ADRA1A: variants seen among roughly 807,000 people sequenced by gnomAD.
ADRA1A encodes the protein adrenoceptor alpha 1A.
Under a neutral mutation model 29.6 loss-of-function variants are expected in ADRA1A, and 31 were observed. That is an observed-to-expected ratio of 1.05 (90% CI 0.79 to 1.41). The LOEUF (loss-of-function observed/expected upper bound fraction) is 1.41, where lower values mean the gene tolerates loss of function less well. ADRA1A is among the 40% of genes most tolerant of loss of function. The pLI, the probability that ADRA1A is intolerant of heterozygous loss-of-function variation, is 0.00. For synonymous variants in ADRA1A, 311 were observed against 254.3 expected, an observed-to-expected ratio of 1.22 and a Z score of -2.12; for missense variants, 619 against 601.1, an observed-to-expected ratio of 1.03 and a Z score of -0.31.
intron 2 of ADRA1A, among the ~76,000 whole-genome samples, chr8:26,816,698 C>T (rs541013097): frequency 6.6e-6 from 1 of 152,328 alleles, no homozygotes; most frequent in East Asian, 1.9e-4. Flanking sequence ...CTCACACCTC[C>T]ATGTGGCACC....
rs754265397 is a variant in ADRA1A, at chr8:26,787,651, T to A, written c.884-16985A>T. Among the ~76,000 whole-genome samples, 7 of 151,800 alleles carry A rather than the reference T, an allele frequency of 4.6e-5. No individual in the cohort carries two copies. Among genetic ancestry groups the A allele is most frequent in the Non-Finnish European group, 8.8e-5 (6 of 67,994 alleles). On this transcript the variant is annotated intron_variant, in intron 2 of 2. Coordinates refer to ENST00000380573, the MANE Select transcript of ADRA1A (RefSeq NM_000680.4). This position sits in a 1 kb window ranked among gnomAD's most constrained non-coding sequence, Gnocchi z 4.2. ...CTCGTGTGCTGCATAAAAATATCAA[T>A]GCCTGACACAGACTTCTTAGTTCTT...
chr8:26,866,028 G>T lies in ADRA1A; in HGVS notation c.-686-373C>A, dbSNP rs1040540961. Among the ~76,000 whole-genome samples, 1 of 152,214 alleles carries T rather than the reference G, an allele frequency of 6.6e-6. No homozygotes were observed. The highest frequency in any genetic ancestry group is 2.4e-5 in the African/African-American group (1 of 41,460). On this transcript the variant is annotated intron_variant, in intron 1 of 2. Coordinates refer to ENST00000380573, the MANE Select transcript of ADRA1A (RefSeq NM_000680.4). The surrounding 1 kb of genome is among the most constrained non-coding windows in gnomAD (Gnocchi z 5.7). ...CTGCGGCTGGCGAGTGTGTCGCACG[G>T]ATCCTAGCCGGGGAATTCTGGAGGA...
At chr8:26,816,857 T>C (rs1365091090) in intron 2 of ADRA1A, among the ~76,000 whole-genome samples, 1 of 152,164 alleles carries the variant, frequency 6.6e-6, no homozygotes, top group Non-Finnish European at 1.5e-5. Context: ...CCTCTCACTC[T>C]TTGCAACAAA....
At chr8:26,770,755 A>G in intron 2 of ADRA1A, 89 bp from the exon 3 acceptor site, 1 of 1,475,918 alleles carries the variant, frequency 6.8e-7, no homozygotes, top group East Asian at 2.4e-5. Flanking sequence ...ATCTTTCTGT[A>G]TTTTTAAACG....
intron 2 of ADRA1A, among the ~76,000 whole-genome samples, chr8:26,846,427 C>T (rs539768391): frequency 2.7e-4 from 41 of 152,292 alleles, no homozygotes; most frequent in African/African-American, 8.2e-4. Context: ...TGGTCTAACC[C>T]ACACAATGCC....
intron 2 of ADRA1A, among the ~76,000 whole-genome samples, chr8:26,843,578 T>G (rs1259531589): frequency 1.3e-5 from 2 of 152,208 alleles, no homozygotes; most frequent in Admixed American, 6.5e-5. Context: ...CAGTTAAAAC[T>G]ATGTAGACAA....
intron 2 of ADRA1A, among the ~76,000 whole-genome samples, chr8:26,785,398 G>A (rs112844954): frequency 3.5e-4 from 54 of 152,240 alleles, no homozygotes; most frequent in African/African-American, 1.2e-3. Flanking sequence ...CTGAGCTGAC[G>A]TCTGGACTAC....
At position 26,769,574 on chromosome 8, in the gene ADRA1A, C is replaced by G; in HGVS notation, c.*575G>C. 10 of 985,536 alleles carry G rather than the reference C, an allele frequency of 1.0e-5. No individual in the cohort carries two copies. Among genetic ancestry groups the G allele is most frequent in the Non-Finnish European group, 1.2e-5 (10 of 830,010 alleles). 61.0% of individuals were successfully genotyped at this position (985,536 alleles called of 1,614,324 possible). ...TCAAAGTGCAGTCAAAGGTAAACCT[C>G]ACTGCCAAGTTTCCCTCAAGCTGAG... is the stretch of plus-strand genomic sequence containing the variant. On this transcript the variant is annotated 3_prime_UTR_variant, in exon 3 of 3. Transcript: ENST00000380573.
chr8:26,820,859 A>G (rs1331897809), intron 2 of ADRA1A, among the ~76,000 whole-genome samples: 2 of 149,420 alleles, frequency 1.3e-5, no homozygotes, highest in Admixed American at 6.7e-5. Flanking sequence ...ATTTAGTGTA[A>G]CCTTTACCAT....
Position 26,831,674 on chromosome 8 carries a change from C to G in ADRA1A, c.883+32413G>C. On this transcript the variant is annotated intron_variant, in intron 2 of 2. Transcript: ENST00000380573. The surrounding 1 kb of genome is among the most constrained non-coding windows in gnomAD (Gnocchi z 5.2). ...CAGCCTGGGTAGATCAGCCACATGCCAATTGTCTTCTTGTTTTCTTTCCAG... is the reference window on the plus strand; with the variant it reads ...CAGCCTGGGTAGATCAGCCACATGCGAATTGTCTTCTTGTTTTCTTTCCAG... Among the ~76,000 whole-genome samples, 1 of 152,222 alleles carries G rather than the reference C, an allele frequency of 6.6e-6. No individual in the cohort carries two copies. The highest frequency in any genetic ancestry group is 1.9e-4 in the East Asian group (1 of 5,200).
rs1432527989 is a variant in ADRA1A at position 26,864,417 on chromosome 8, C to G, written c.553G>C (p.Val185Leu). The G allele has an allele frequency of 4.3e-6, 7 of 1,613,480 alleles. No homozygotes were observed. The highest frequency in any genetic ancestry group is 1.1e-5 in the South Asian group (1 of 91,082). Residue 185 changes from valine (V) to leucine (L), a missense_variant, in exon 2 of 3, where the codon GTG becomes CTG. Transcript: ENST00000380573. The surrounding 1 kb of genome is among the most constrained non-coding windows in gnomAD (Gnocchi z 8.1). ...ICQINEEPGY[V>L]LFSALGSFYL... is the part of the protein sequence containing the mutation. The stretch of plus-strand genomic sequence containing the variant: ...AAGGAGCCCAGCGCTGAGAAGAGCA[C>G]GTAGCCCGGCTCCTCGTTGATCTGG...
At chr8:26,765,986 A>G, downstream of ADRA1A, 1 of 1,496,264 alleles carries the variant, frequency 6.7e-7, no homozygotes. Context: ...GTCACATAAT[A>G]CATAGCCATA....
downstream of ADRA1A, chr8:26,768,774 G>T: frequency 2.2e-6 from 1 of 462,698 alleles, no homozygotes; most frequent in African/African-American, 2.1e-5. Context: ...AACACTTCTG[G>T]TTCCAGGCAT....
chr8:26,753,691 A>G (rs1366092359), downstream of ADRA1A, among the ~76,000 whole-genome samples: 1 of 151,654 alleles, frequency 6.6e-6, no homozygotes, highest in Non-Finnish European at 1.5e-5. Context: ...AGCAAAAGAC[A>G]CTTTGCAAAC....
At chr8:26,816,427 A>T (rs2130569193) in intron 2 of ADRA1A, among the ~76,000 whole-genome samples, 1 of 152,276 alleles carries the variant, frequency 6.6e-6, no homozygotes, top group Middle Eastern at 3.4e-3. Context: ...ATCAGAGCCC[A>T]CCCATGTGCT....
rs1810488489 is a variant in ADRA1A, at chr8:26,825,454, A to G, written c.883+38633T>C. Among the ~76,000 whole-genome samples, 1 of 152,110 alleles carries G rather than the reference A, an allele frequency of 6.6e-6. No homozygotes were observed. The highest frequency in any genetic ancestry group is 2.1e-4 in the South Asian group (1 of 4,834). On this transcript the variant is annotated intron_variant, in intron 2 of 2. Coordinates refer to ENST00000380573, the MANE Select transcript of ADRA1A (RefSeq NM_000680.4). The surrounding 1 kb of genome is among the most constrained non-coding windows in gnomAD (Gnocchi z 5.7). Reference sequence around the variant, plus strand: ...CTAATTCCGCCCTACTTCGTTTCCTATAAGGGGACCAGGAACACTTTTCAC... The same window carrying G: ...CTAATTCCGCCCTACTTCGTTTCCTGTAAGGGGACCAGGAACACTTTTCAC...
downstream of ADRA1A, among the ~76,000 whole-genome samples, chr8:26,752,091 G>C (rs972596696): frequency 6.6e-6 from 1 of 151,746 alleles, no homozygotes; most frequent in African/African-American, 2.4e-5. Context: ...TTTTTCCAGA[G>C]AGCTCATTGG....
chr8:26,844,100 A>G (rs1440413194), intron 2 of ADRA1A, among the ~76,000 whole-genome samples: 2 of 152,190 alleles, frequency 1.3e-5, no homozygotes, highest in East Asian at 1.9e-4. Flanking sequence ...CAGATTTTAT[A>G]AAGGTCATCT....
At chr8:26,842,290 G>T (rs1467912039) in intron 2 of ADRA1A, among the ~76,000 whole-genome samples, 1 of 152,052 alleles carries the variant, frequency 6.6e-6, no homozygotes, top group African/African-American at 2.4e-5. Flanking sequence ...TGTGGCTAGA[G>T]GCTACCATAT....
Sources: gnomAD v4.1 joint callset for allele counts (sites outside exome capture counted in the v4.1 genomes callset) on GRCh38, gnomAD v4.1.1 for gene constraint, Gnocchi (gnomAD v3.1) non-coding constraint, MANE v1.5 for transcripts, NCBI Gene and HGNC (gene_info 2026-07-23, HGNC 2026-07-21) for gene names.